Variants in CCPG1 observed in about 807,000 individuals in gnomAD.
The protein encoded by CCPG1 is cell cycle progression 1, also known as cell cycle progression protein 1.
Under a neutral mutation model 81.3 loss-of-function variants are expected in CCPG1, and 46 were observed. That is an observed-to-expected ratio of 0.57 (90% CI 0.45 to 0.72). CCPG1 has a LOEUF of 0.72. CCPG1 is among the 30% of genes least tolerant of loss of function. The pLI, the probability that CCPG1 is intolerant of heterozygous loss-of-function variation, is 0.00. For missense variants in CCPG1, 902 were observed against 937.6 expected (o/e 0.96, Z 0.50); for synonymous variants, 330 against 305.2 (o/e 1.08, Z -0.85).
chr15:55,361,748 GCTGA>G (rs1566966725), intron 7 of CCPG1, among the ~76,000 whole-genome samples: 1 of 151,836 alleles, frequency 6.6e-6, no homozygotes, highest in African/African-American at 2.4e-5. Flanking sequence ...TACATCGAGA[GCTGA>G]CTTACGGCTT....
intron 1 of CCPG1, among the ~76,000 whole-genome samples, chr15:55,406,914 G>A (rs983423001): frequency 3.3e-5 from 5 of 152,002 alleles, no homozygotes; most frequent in Non-Finnish European, 7.4e-5. Context: ...CAGCGTAAAA[G>A]GTTAAAAATT....
rs184636900 is a variant in CCPG1, at chr15:55,389,339, C to T, written c.60+26G>A. Reference sequence around the variant, plus strand: ...TGGTAACATTAATATTACAAATTACCTTATAAAAAGTATTAAATATCATAC... The same window carrying T: ...TGGTAACATTAATATTACAAATTACTTTATAAAAAGTATTAAATATCATAC... On this transcript the variant is annotated intron_variant, in intron 2 of 8. Coordinates refer to ENST00000442196, the MANE Select transcript of CCPG1 (RefSeq NM_001204450.2). The T allele has an allele frequency of 6.2e-3, 9,188 of 1,476,268 alleles. 44 individuals carry two copies. The highest frequency in any genetic ancestry group is 7.3e-3 in the Non-Finnish European group (7,690 of 1,056,970). 91.4% of individuals were successfully genotyped at this position (1,476,268 alleles called of 1,614,324 possible).
intron 8 of CCPG1, chr15:55,358,341 T>C (rs972846683): frequency 3.1e-6 from 3 of 981,744 alleles, no homozygotes; most frequent in Non-Finnish European, 3.6e-6. Context: ...TTGGAACATA[T>C]ATCCTGAAGA....
intron 2 of CCPG1, among the ~76,000 whole-genome samples, chr15:55,388,324 T>C (rs911940707): frequency 2.6e-4 from 39 of 152,176 alleles, no homozygotes; most frequent in African/African-American, 8.7e-4. Flanking sequence ...ATTACTGGTA[T>C]GAAAAAATAA....
intron 8 of CCPG1, chr15:55,356,770 T>A (rs1372927159): frequency 6.0e-6 from 6 of 1,005,516 alleles, no homozygotes; most frequent in Non-Finnish European, 1.2e-6. Flanking sequence ...TACATACACA[T>A]CTCTCACAAA....
chr15:55,366,450 G>A (rs17819096), intron 6 of CCPG1, among the ~76,000 whole-genome samples: 2 of 151,888 alleles, frequency 1.3e-5, no homozygotes, highest in Non-Finnish European at 2.9e-5. Context: ...AATCTGTACT[G>A]GAGTAGCACT....
In CCPG1 at chr15:55,363,266, T is replaced by C. The variant is rs186020243; in HGVS notation, c.828+1922A>G. Among the ~76,000 whole-genome samples the C allele has an allele frequency of 9.1e-4, 136 of 149,020 alleles. 1 individual carries two copies. The East Asian group carries it at 0.025, about 28-fold the overall frequency. On this transcript the variant is annotated intron_variant, in intron 7 of 8. Transcript: ENST00000442196. ...TGGGAGACTGAGGCAGGAGAATCAC[T>C]TGAACCCAGGAGGCAGAGGTTCCAG...
intron 1 of CCPG1, 58 bp from the exon 2 acceptor site, chr15:55,389,491 G>T: frequency 1.7e-6 from 2 of 1,197,884 alleles, no homozygotes; most frequent in Non-Finnish European, 2.5e-6. Context: ...TCTATAGGAA[G>T]CACTATATGT....
At chr15:55,371,707 C>A in intron 6 of CCPG1, 86 bp downstream of exon 6, 4 of 1,363,112 alleles carry the variant, frequency 2.9e-6, no homozygotes, top group Non-Finnish European at 4.0e-6. Context: ...AATAATGGCA[C>A]TGAAAACAGA....
intron 8 of CCPG1, 29 bp from the exon 9 acceptor site, chr15:55,356,438 A>G (rs1331849373): frequency 1.4e-6 from 2 of 1,454,670 alleles, no homozygotes. Context: ...TTTTTCATCT[A>G]TGTTAGAGTT....
intron 1 of CCPG1, among the ~76,000 whole-genome samples, chr15:55,403,535 T>A (rs957183932): frequency 2.0e-5 from 3 of 152,170 alleles, no homozygotes; most frequent in African/African-American, 7.2e-5. Context: ...TTAAATACCC[T>A]TTGGGGGAAA....
At chr15:55,357,116 GAACT>G in intron 8 of CCPG1, 1 of 984,694 alleles carries the variant, frequency 1.0e-6, no homozygotes, top group Non-Finnish European at 1.2e-6. Flanking sequence ...GATGACCATA[GAACT>G]AACTGCCAAC....
At chr15:55,372,489 C>A (rs542997033) in intron 5 of CCPG1, 80 of 192,158 alleles carry the variant, frequency 4.2e-4, no homozygotes, top group African/African-American at 1.8e-3. Flanking sequence ...GGCGAAACCC[C>A]TTCTCTACTA....
chr15:55,403,542 G>GA (rs759027487), intron 1 of CCPG1, among the ~76,000 whole-genome samples: 9 of 152,032 alleles, frequency 5.9e-5, no homozygotes, highest in African/African-American at 9.7e-5. Context: ...CCCTTTGGGG[G>GA]AAAAAATCCC....
At chr15:55,398,127 A>G (rs2057057473) in intron 1 of CCPG1, 1 of 152,334 alleles carries the variant, frequency 6.6e-6, no homozygotes, top group South Asian at 2.1e-4. Context: ...AAGTCATTTA[A>G]AAACACTTTG....
chr15:55,371,865 T>C lies in CCPG1; in HGVS notation c.634A>G (p.Ser212Gly). The C allele has an allele frequency of 6.2e-7, 1 of 1,614,132 alleles. No homozygotes were observed. Among genetic ancestry groups the C allele is most frequent in the South Asian group, 1.1e-5 (1 of 91,084 alleles). Residue 212 changes from serine (S) to glycine (G), a missense_variant, in exon 6 of 9, where the codon AGT (serine) becomes GGT (glycine). Around this residue, in one of 3 missense-constraint regions of CCPG1, gnomAD observed 746 missense variants for 728.6 expected, o/e 1.02. Transcript: ENST00000442196. Reference protein sequence around the residue: ...PSKELSKRQFSSGLNKCVILA... With the variant: ...PSKELSKRQFGSGLNKCVILA... ...ATAACACACTTATTGAGACCACTAC[T>C]GAACTGACGTTTACTCAACTCCTTA...
At chr15:55,393,762 C>G (rs1184727968) in intron 1 of CCPG1, among the ~76,000 whole-genome samples, 2 of 152,120 alleles carry the variant, frequency 1.3e-5, no homozygotes, top group Non-Finnish European at 2.9e-5. Flanking sequence ...CACACTTCAG[C>G]TATGACAGGA....
At chr15:55,376,785 CG>C (rs1198062782) in intron 5 of CCPG1, among the ~76,000 whole-genome samples, 163 bp downstream of exon 5, 2 of 152,074 alleles carry the variant, frequency 1.3e-5, no homozygotes, top group Admixed American at 6.6e-5. Context: ...AACAGTCTAG[CG>C]AAACACTAGG....
intron 1 of CCPG1, among the ~76,000 whole-genome samples, chr15:55,406,762 G>A (rs1304303647): frequency 6.6e-6 from 1 of 151,814 alleles, no homozygotes; most frequent in Non-Finnish European, 1.5e-5. Flanking sequence ...AAGAAGTTAT[G>A]TTCACTTTTT....
Sources: allele counts gnomAD v4.1 joint callset (sites outside exome capture counted in the v4.1 genomes callset), GRCh38; gene constraint gnomAD v4.1.1; regional missense constraint gnomAD v4.1.1; transcripts MANE v1.5; gene names NCBI Gene and HGNC (gene_info 2026-07-23, HGNC 2026-07-21).